PRKAB2: variants seen among roughly 807,000 people sequenced by gnomAD.
PRKAB2 encodes 5'-AMP-activated protein kinase subunit beta-2.
PRKAB2 carries 18 observed loss-of-function variants against 29.8 expected under a neutral mutation model. That is an observed-to-expected ratio of 0.60 (90% CI 0.42 to 0.89). PRKAB2 has a LOEUF of 0.89. PRKAB2 is among the 40% of genes least tolerant of loss of function. The pLI, the probability that PRKAB2 is intolerant of heterozygous loss-of-function variation, is 0.00. For synonymous variants in PRKAB2, 136 were observed against 125.9 expected (o/e 1.08, Z -0.54); for missense variants, 270 against 344.3 (o/e 0.78, Z 1.71).
At chr1:147,161,331 C>T (rs1415231467) in intron 7 of PRKAB2, among the ~76,000 whole-genome samples, 5 of 152,060 alleles carry the variant, frequency 3.3e-5, no homozygotes, top group Non-Finnish European at 5.9e-5. Flanking sequence ...AGCTCAATTC[C>T]ACCTTCAAAA....
Position 147,158,533 on chromosome 1 carries a change from T to C in PRKAB2, c.*1032A>G, listed in dbSNP as rs917994557. ...TTATCAAAAGCCTGAAATTCTCCAA[T>C]GCGGTCTCTTAAGACCAATGAAAAG... On this transcript the variant is annotated 3_prime_UTR_variant, in exon 8 of 8. Transcript: ENST00000254101. 6.6e-6 allele frequency: 1 copy of C among 151,928 alleles called. No individual in the cohort carries two copies. The highest frequency in any genetic ancestry group is 1.5e-5 in the Non-Finnish European group (1 of 67,992). The allele number at this position is 151,928 out of a possible 1,614,324, so 9.4% of individuals were successfully genotyped here. A position where few individuals can be genotyped will look rare whatever the true frequency, so the allele number is the denominator to read the frequency against.
chr1:147,171,949 G>T (rs1476530193), intron 2 of PRKAB2, 40 bp downstream of exon 2: 4 of 1,579,720 alleles, frequency 2.5e-6, no homozygotes, highest in Non-Finnish European at 2.6e-6. Context: ...AAATCAACCC[G>T]CTGCAGTACT....
chr1:147,171,824 C>T (rs1171391513), intron 2 of PRKAB2, among the ~76,000 whole-genome samples, 165 bp downstream of exon 2: 1 of 152,206 alleles, frequency 6.6e-6, no homozygotes, highest in African/African-American at 2.4e-5. Context: ...TGAGGCGGCA[C>T]TTCAAGAGGA....
Position 147,172,172 on chromosome 1 carries a change from C to G in PRKAB2, c.-23-5G>C. 2 of 1,530,164 alleles carry G rather than the reference C, an allele frequency of 1.3e-6. No individual in the cohort carries two copies. The highest frequency in any genetic ancestry group is 1.8e-6 in the Non-Finnish European group (2 of 1,138,662). The allele number at this position is 1,530,164 out of a possible 1,614,324, so 94.8% of individuals were successfully genotyped here. On this transcript the variant is annotated splice_polypyrimidine_tract_variant and splice_region_variant and intron_variant, in intron 1 of 7. Transcript: ENST00000254101. ...CTGCAGCTCGTCGGGGACCACCTAC[C>G]GCGGGGAACGACACCGGGCTGGGAA...
At chr1:147,168,297 G>GA (rs587695023) in intron 2 of PRKAB2, among the ~76,000 whole-genome samples, 12 of 149,738 alleles carry the variant, frequency 8.0e-5, no homozygotes, top group African/African-American at 2.5e-4. Context: ...TTCTTCAGAG[G>GA]AAAAAAAAAT....
At chr1:147,166,757 G>A (rs1654271397) in intron 4 of PRKAB2, 89 bp downstream of exon 4, 1 of 1,546,938 alleles carries the variant, frequency 6.5e-7, no homozygotes, top group South Asian at 1.1e-5. Context: ...CTCCAGTGTA[G>A]GGGAGCAGCT....
intron 5 of PRKAB2, among the ~76,000 whole-genome samples, chr1:147,164,628 G>A (rs1654144442): frequency 6.6e-6 from 1 of 152,148 alleles, no homozygotes. Context: ...GCACAGAATA[G>A]TTTTTATTGC....
intron 5 of PRKAB2, among the ~76,000 whole-genome samples, chr1:147,164,147 C>T (rs1262254374): frequency 1.3e-5 from 2 of 152,032 alleles, no homozygotes; most frequent in East Asian, 3.9e-4. Flanking sequence ...CTATGTTGCC[C>T]AGGCTGGTCT....
intron 2 of PRKAB2, 90 bp from the exon 3 acceptor site, chr1:147,168,023 T>C (rs1654337462): frequency 1.4e-6 from 2 of 1,382,924 alleles, no homozygotes; most frequent in Admixed American, 2.4e-5. Context: ...AGAAGGGTGC[T>C]AGGCTTTGGC....
At chr1:147,162,697 C>A in intron 5 of PRKAB2, 124 bp from the exon 6 acceptor site, 2 of 1,009,162 alleles carry the variant, frequency 2.0e-6, no homozygotes, top group Non-Finnish European at 2.8e-6. Context: ...AAACTTGTGA[C>A]CTGTGGGATC....
In PRKAB2 at chr1:147,159,521, G is replaced by A. The variant is rs375182207; in HGVS notation, c.*44C>T. The A allele has an allele frequency of 2.6e-6, 4 of 1,549,962 alleles. No homozygotes were observed. The highest frequency in any genetic ancestry group is 2.2e-5 in the East Asian group (1 of 44,530). On this transcript the variant is annotated 3_prime_UTR_variant, in exon 8 of 8. Transcript: ENST00000254101. ...AGACTGGTTCAGTCCAGAAATGCAAGGGAGATGCTTCTCCTGAATCCTTAG... is the reference window on the plus strand; with the variant it reads ...AGACTGGTTCAGTCCAGAAATGCAAAGGAGATGCTTCTCCTGAATCCTTAG...
At chr1:147,171,510 G>C (rs1654583258) in intron 2 of PRKAB2, among the ~76,000 whole-genome samples, 1 of 152,190 alleles carries the variant, frequency 6.6e-6, no homozygotes, top group African/African-American at 2.4e-5. Flanking sequence ...GATCACAACT[G>C]TAGAGCTGCT....
At chr1:147,170,788 G>T (rs1276707586) in intron 2 of PRKAB2, among the ~76,000 whole-genome samples, 2 of 152,138 alleles carry the variant, frequency 1.3e-5, no homozygotes, top group Non-Finnish European at 2.9e-5. Flanking sequence ...CACCATGTTG[G>T]TCAGGCTGGT....
At chr1:147,164,000 G>A (rs1480784195) in intron 5 of PRKAB2, among the ~76,000 whole-genome samples, 1 of 152,114 alleles carries the variant, frequency 6.6e-6, no homozygotes, top group Non-Finnish European at 1.5e-5. Context: ...GCAGTGGCTT[G>A]ATCACGGCTC....
intron 7 of PRKAB2, among the ~76,000 whole-genome samples, chr1:147,161,272 T>C (rs953039922): frequency 3.3e-5 from 5 of 152,040 alleles, no homozygotes; most frequent in Admixed American, 2.0e-4. Context: ...AACTAGTGTA[T>C]AGGAGAGATG....
Position 147,162,563 on chromosome 1 carries a change from G to T in PRKAB2, c.549C>A (p.Ser183Arg). The T allele has an allele frequency of 6.2e-7, 1 of 1,608,394 alleles. No homozygotes were observed. Among genetic ancestry groups the T allele is most frequent in the Non-Finnish European group, 8.5e-7 (1 of 1,177,534 alleles). ...SSETSCRDLS[S>R]SPPGPYGQEM... Reference sequence around the variant, plus strand: ...CTTGACCATAAGGCCCTGGGGGTGAGCTGGAAAGGTCTGAAAGATATTTAT... The same window carrying T: ...CTTGACCATAAGGCCCTGGGGGTGATCTGGAAAGGTCTGAAAGATATTTAT... The change falls in exon 6 of 8, where the codon AGC (serine) becomes AGA (arginine). Residue 183 changes from serine to arginine, a missense_variant. Physicochemically the swap from Ser to Arg is moderately radical, Grantham distance 110 (BLOSUM62 -1). This residue lies in a region of PRKAB2 where 228 missense variants were observed against 255.5 expected (regional missense o/e 0.89). Coordinates refer to ENST00000254101, the MANE Select transcript of PRKAB2 (RefSeq NM_005399.5).
chr1:147,161,836 G>T, intron 6 of PRKAB2, 56 bp from the exon 7 acceptor site: 1 of 1,399,604 alleles, frequency 7.1e-7, no homozygotes, highest in Non-Finnish European at 9.8e-7. Context: ...TTAATGCACA[G>T]ACAAACCAAA....
chr1:147,167,600 A>G (rs1553913831), intron 3 of PRKAB2, among the ~76,000 whole-genome samples, 167 bp downstream of exon 3: 1 of 152,134 alleles, frequency 6.6e-6, no homozygotes, highest in Non-Finnish European at 1.5e-5. Flanking sequence ...CTGACTCACT[A>G]TGAGGTTAAA....
intron 5 of PRKAB2, among the ~76,000 whole-genome samples, chr1:147,164,649 GA>G (rs1406279902): frequency 1.3e-5 from 2 of 152,014 alleles, no homozygotes; most frequent in Non-Finnish European, 2.9e-5. Context: ...CTTTTCACCA[GA>G]AAAAAATAAA....
Sources: gnomAD v4.1 joint callset for allele counts (sites outside exome capture counted in the v4.1 genomes callset) on GRCh38, gnomAD v4.1.1 for gene constraint, gnomAD v4.1.1 regional missense constraint, MANE v1.5 for transcripts, NCBI Gene and HGNC (gene_info 2026-07-23, HGNC 2026-07-21) for gene names.